Variants in LHFPL1 observed in about 807,000 individuals in gnomAD.
LHFPL1 encodes the protein LHFPL tetraspan subfamily member 1 protein.
In LHFPL1, 4 loss-of-function variants were observed where a neutral mutation model predicts 12.1. That is an observed-to-expected ratio of 0.33 (90% confidence interval 0.16 to 0.76). The LOEUF is 0.76. Ranked by LOEUF, LHFPL1 falls within the 30% of genes least tolerant of loss-of-function variation. The pLI is 0.61. For missense variants in LHFPL1, 141 were observed against 174.1 expected, an observed-to-expected ratio of 0.81 and a Z score of 1.07; for synonymous variants, 52 against 61.9, an observed-to-expected ratio of 0.84 and a Z score of 0.75.
chrX:112,658,261 T>TA (rs1931069805), intron 3 of LHFPL1, among the ~76,000 whole-genome samples: 1 of 108,943 alleles, frequency 9.2e-6, no homozygotes, highest in Non-Finnish European at 1.9e-5. Flanking sequence ...CCATCTCTCC[T>TA]AAAAAATACA....
intron 3 of LHFPL1, among the ~76,000 whole-genome samples, chrX:112,658,451 GA>G (rs113122667): frequency 0.084 from 7,097 of 84,316 alleles, 215 homozygotes; most frequent in Middle Eastern, 0.13. Context: ...AAAGAAAAAA[GA>G]AAAAAAAAAA....
chrX:112,632,460 CAA>C (rs1038456269), intron 3 of LHFPL1, among the ~76,000 whole-genome samples: 5 of 111,449 alleles, frequency 4.5e-5, no homozygotes, highest in Non-Finnish European at 9.4e-5. Context: ...TACAAGGTAT[CAA>C]AGTGGCTAAC....
At chrX:112,657,798 G>C (rs1250974181) in intron 3 of LHFPL1, among the ~76,000 whole-genome samples, 1 of 109,114 alleles carries the variant, frequency 9.2e-6, no homozygotes, top group East Asian at 2.9e-4. Flanking sequence ...CAGAACAAAG[G>C]CCTAACTATA....
chrX:112,649,813 T>C (rs1242014044), intron 3 of LHFPL1, among the ~76,000 whole-genome samples: 1 of 111,714 alleles, frequency 9.0e-6, no homozygotes, highest in Non-Finnish European at 1.9e-5. Context: ...TACAAGTTTT[T>C]AAGGTGTTCT....
chrX:112,640,418 G>T (rs976609624), intron 3 of LHFPL1, among the ~76,000 whole-genome samples: 2 of 111,606 alleles, frequency 1.8e-5, no homozygotes, highest in African/African-American at 3.3e-5. Flanking sequence ...TGGTATTTTC[G>T]AGGTGGCTGG....
At chrX:112,635,116 G>A (rs1358378115) in intron 3 of LHFPL1, among the ~76,000 whole-genome samples, 1 of 111,958 alleles carries the variant, frequency 8.9e-6, no homozygotes, top group Non-Finnish European at 1.9e-5. Context: ...GGGAGCAGGT[G>A]GCAATGAGTT....
At chrX:112,659,703 C>T (rs1931119679) in intron 3 of LHFPL1, among the ~76,000 whole-genome samples, 1 of 111,819 alleles carries the variant, frequency 8.9e-6, no homozygotes, top group African/African-American at 3.3e-5. Flanking sequence ...TCAACACCTG[C>T]CCCAAGTATT....
intron 2 of LHFPL1, among the ~76,000 whole-genome samples, chrX:112,664,474 A>G (rs1156295787): frequency 5.4e-5 from 6 of 111,627 alleles, no homozygotes; most frequent in African/African-American, 1.3e-4. Context: ...TTATCTTGCA[A>G]TTTTGCACAG....
chrX:112,648,133 A>C (rs1156316757), intron 3 of LHFPL1, among the ~76,000 whole-genome samples: 1 of 95,895 alleles, frequency 1.0e-5, no homozygotes, highest in African/African-American at 3.8e-5. Flanking sequence ...ATGAGAACAC[A>C]TGGACACAGT....
chrX:112,666,804 G>A (rs1250286687), intron 2 of LHFPL1, among the ~76,000 whole-genome samples: 3 of 111,700 alleles, frequency 2.7e-5, no homozygotes, highest in Non-Finnish European at 5.6e-5. Context: ...AAGCACCCCA[G>A]GTAATTCTTA....
At chrX:112,678,939 T>C (rs1931728554) in intron 1 of LHFPL1, among the ~76,000 whole-genome samples, 1 of 111,610 alleles carries the variant, frequency 9.0e-6, no homozygotes, top group African/African-American at 3.3e-5. Flanking sequence ...AACCTCTGAG[T>C]TTTGGTTTCA....
chrX:112,665,705 C>T (rs1475830478), intron 2 of LHFPL1, among the ~76,000 whole-genome samples: 6 of 111,670 alleles, frequency 5.4e-5, no homozygotes, highest in South Asian at 3.8e-4. Context: ...ATGTTCTCCC[C>T]GACATAGTTG....
chrX:112,650,713 T>A (rs1930829955), intron 3 of LHFPL1, among the ~76,000 whole-genome samples: 1 of 111,628 alleles, frequency 9.0e-6, no homozygotes, highest in East Asian at 2.8e-4. Context: ...CTGTCCAATA[T>A]GGTAGCCACT....
chrX:112,637,883 C>A (rs1406278804), intron 3 of LHFPL1, among the ~76,000 whole-genome samples: 1 of 111,838 alleles, frequency 8.9e-6, no homozygotes, highest in Non-Finnish European at 1.9e-5. Context: ...CTGAGAGCTG[C>A]TACTGTAGAA....
At chrX:112,654,832 G>GC (rs1364474851) in intron 3 of LHFPL1, among the ~76,000 whole-genome samples, 1 of 111,558 alleles carries the variant, frequency 9.0e-6, no homozygotes, top group Non-Finnish European at 1.9e-5. Flanking sequence ...GAGCACAGCA[G>GC]CTTAAAACAA....
chrX:112,645,948 G>A (rs1254518936), intron 3 of LHFPL1, among the ~76,000 whole-genome samples: 2 of 111,172 alleles, frequency 1.8e-5, no homozygotes, highest in African/African-American at 6.5e-5. Context: ...AGCATCTACC[G>A]TATACGTGGG....
chrX:112,675,359 G>A (rs868552247), intron 1 of LHFPL1, among the ~76,000 whole-genome samples: 1 of 110,992 alleles, frequency 9.0e-6, no homozygotes, highest in East Asian at 2.8e-4. Flanking sequence ...GTGTAGTGCC[G>A]TGACTACAGT....
At chrX:112,660,023 A>G (rs1363361875) in intron 3 of LHFPL1, among the ~76,000 whole-genome samples, 1 of 112,060 alleles carries the variant, frequency 8.9e-6, no homozygotes, top group African/African-American at 3.2e-5. Context: ...TTTCATCATG[A>G]TAGGTGGGGG....
chrX:112,637,210 G>A (rs914896389), intron 3 of LHFPL1, among the ~76,000 whole-genome samples: 47 of 112,082 alleles, frequency 4.2e-4, no homozygotes, highest in African/African-American at 1.3e-3. Flanking sequence ...ATCAAGACAC[G>A]TTGCTTTTAT....
Sources: gnomAD v4.1 joint callset for allele counts (sites outside exome capture counted in the v4.1 genomes callset) on GRCh38, gnomAD v4.1.1 for gene constraint, MANE v1.5 for transcripts, NCBI Gene and HGNC (gene_info 2026-07-23, HGNC 2026-07-21) for gene names.